POLR3A: variants seen among roughly 807,000 people sequenced by gnomAD.
POLR3A encodes the protein DNA-directed RNA polymerase III subunit RPC1.
In POLR3A, 112 loss-of-function variants were observed where a neutral mutation model predicts 152.8. The observed-to-expected ratio is 0.73, with a 90% CI of 0.63 to 0.86. POLR3A has a LOEUF of 0.86. POLR3A is among the 40% of genes least tolerant of loss of function. POLR3A has a pLI of 0.00. For missense variants in POLR3A, 1,385 were observed against 1,743.1 expected (o/e 0.79, Z 3.66); for synonymous variants, 615 against 652.1 (o/e 0.94, Z 0.87).
chr10:77,988,318 T>TG (rs929688634), intron 21 of POLR3A, among the ~76,000 whole-genome samples: 1 of 152,056 alleles, frequency 6.6e-6, no homozygotes, highest in African/African-American at 2.4e-5. Flanking sequence ...GGTCAGGAGT[T>TG]GGAGACCAGC....
Position 78,021,936 on chromosome 10 carries a change from C to A in POLR3A, c.972G>T (p.Glu324Asp). Residue 324 changes from glutamate (E) to aspartate (D), a missense_variant, in exon 7 of 31, where the codon GAG (glutamate) becomes GAT (aspartate). Physicochemically the swap from Glu to Asp is conservative, Grantham distance 45. Transcript: ENST00000372371. ...QLQCALYINS[E>D]LSGIPLNMAP... ...CCATGTTGAGGGGAATGCCCGAGAG[C>A]TCACTGTTAATGTAGAGGGCACACT... is the stretch of plus-strand genomic sequence containing the variant. 3.1e-6 allele frequency: 5 copies of A among 1,614,150 alleles called. No homozygotes were observed. Among genetic ancestry groups the A allele is most frequent in the Non-Finnish European group, 4.2e-6 (5 of 1,180,028 alleles).
chr10:78,023,767 G>A (rs983469926), intron 5 of POLR3A, among the ~76,000 whole-genome samples: 4 of 151,776 alleles, frequency 2.6e-5, no homozygotes, highest in African/African-American at 9.7e-5. Context: ...GACAGAGAGA[G>A]ACCCTGCCTC....
intron 29 of POLR3A, among the ~76,000 whole-genome samples, chr10:77,980,882 T>C (rs985796249): frequency 2.2e-4 from 33 of 152,176 alleles, no homozygotes; most frequent in African/African-American, 7.5e-4. Flanking sequence ...TCTGTAATAC[T>C]CTATCGACTT....
chr10:78,026,349 C>T, intron 1 of POLR3A, 120 bp from the exon 2 acceptor site: 1 of 954,124 alleles, frequency 1.0e-6, no homozygotes, highest in Non-Finnish European at 1.6e-6. Context: ...CTTTTCCTAC[C>T]AGTATTAAAT....
At chr10:77,987,316 C>A (rs902935152) in intron 21 of POLR3A, among the ~76,000 whole-genome samples, 2 of 152,118 alleles carry the variant, frequency 1.3e-5, no homozygotes, top group African/African-American at 2.4e-5. Flanking sequence ...ATAGACTGCC[C>A]CTCCTTTGTA....
rs1286694476 is a variant in POLR3A at position 78,029,465 on chromosome 10, GCCCCCAGCACCT to G, written c.-70_-59del. 6.3e-7 allele frequency: 1 copy of G among 1,578,772 alleles called. No homozygotes were observed. Among genetic ancestry groups the G allele is most frequent in the Non-Finnish European group, 8.7e-7 (1 of 1,149,296 alleles). ...CGGGAGGCCAGATTAGAGAAACGAT[GCCCCCAGCACCT>G]CCTGGGGCTGCTTCTGGACTCGCCG... On this transcript the variant is annotated 5_prime_UTR_variant, in exon 1 of 31. Coordinates refer to ENST00000372371, the MANE Select transcript of POLR3A (RefSeq NM_007055.4).
At chr10:78,018,453 C>T (rs1041515289) in intron 9 of POLR3A, among the ~76,000 whole-genome samples, 5 of 150,216 alleles carry the variant, frequency 3.3e-5, no homozygotes, top group South Asian at 2.1e-4. Context: ...GAGTCAAGAT[C>T]GTGCCACTAC....
In POLR3A at chr10:77,980,155, T is replaced by C; in HGVS notation, c.4010A>G (p.Lys1337Arg). ...HLFDAAYFGQ[K>R]DSVCGVSECI... is the part of the protein sequence containing the mutation. ...ATCAAACCTACCACACACAGAGTCC[T>C]TCTGCCCGAAGTAGGCAGCGTCAAA... The change falls in exon 30 of 31, where the codon AAG (lysine) becomes AGG (arginine). Residue 1337 changes from lysine to arginine, a missense_variant. Around this residue, in one of 7 missense-constraint regions of POLR3A, gnomAD observed 332 missense variants for 400.1 expected, o/e 0.83. Transcript: ENST00000372371. 6.2e-7 allele frequency: 1 copy of C among 1,614,050 alleles called. No homozygotes were observed. Among genetic ancestry groups the C allele is most frequent in the African/African-American group, 1.3e-5 (1 of 75,054 alleles).
intron 23 of POLR3A, among the ~76,000 whole-genome samples, chr10:77,985,562 C>T (rs1847188638): frequency 6.6e-6 from 1 of 152,232 alleles, no homozygotes; most frequent in Non-Finnish European, 1.5e-5. Flanking sequence ...CAACTCAATT[C>T]TGCATGGCTG....
intron 26 of POLR3A, 68 bp from the exon 27 acceptor site, chr10:77,982,885 CT>C (rs1195784875): frequency 1.4e-6 from 2 of 1,478,292 alleles, no homozygotes; most frequent in Non-Finnish European, 9.5e-7. Flanking sequence ...ATTGTTGCCC[CT>C]CTAAGAAGTC....
chr10:78,011,579 CA>C (rs775693948), intron 11 of POLR3A, among the ~76,000 whole-genome samples: 2 of 152,298 alleles, frequency 1.3e-5, no homozygotes, highest in Non-Finnish European at 2.9e-5. Flanking sequence ...GAGTGGGAGA[CA>C]GCTATTTAGC....
chr10:77,984,517 G>T (rs1468411170), intron 24 of POLR3A, among the ~76,000 whole-genome samples: 1 of 152,066 alleles, frequency 6.6e-6, no homozygotes, highest in Non-Finnish European at 1.5e-5. Context: ...CTAATTTTTT[G>T]TATTTTTAGT....
rs1444746588 is a variant in POLR3A at position 77,986,060 on chromosome 10, G to A, written c.2988+13C>T. ...ACAGCTCGGGGTTCTAACGCGTCTT[G>A]GAGGGATATTACCTCTGTTGTGCCG... On this transcript the variant is annotated intron_variant, in intron 22 of 30. Transcript: ENST00000372371. 5.0e-6 allele frequency: 8 copies of A among 1,584,428 alleles called. No homozygotes were observed. The highest frequency in any genetic ancestry group is 6.1e-6 in the Non-Finnish European group (7 of 1,153,118).
At chr10:78,021,444 G>T in intron 8 of POLR3A, 102 bp downstream of exon 8, 1 of 1,132,792 alleles carries the variant, frequency 8.8e-7, no homozygotes, top group Non-Finnish European at 1.3e-6. Context: ...TGGGTTGAGT[G>T]GGTTACTGGG....
At position 77,982,710 on chromosome 10, in the gene POLR3A, C is replaced by T. The variant is rs556024916; in HGVS notation, c.3537G>A (p.Glu1179=). The T allele has an allele frequency of 6.2e-7, 1 of 1,613,928 alleles. No homozygotes were observed. The highest frequency in any genetic ancestry group is 1.1e-5 in the South Asian group (1 of 91,056). Residue 1179 remains glutamate (E), a synonymous_variant, in exon 27 of 31, where the codon GAG becomes GAA. Transcript: ENST00000372371. The part of the protein sequence containing the change: ...GEAVVCVTPR[E]NSKSSMYYVL... Reference sequence around the variant, plus strand: ...CGTAGTACATGGAGCTCTTGCTGTTCTCTCTGGGGGTGACACACACCACAG... The same window carrying T: ...CGTAGTACATGGAGCTCTTGCTGTTTTCTCTGGGGGTGACACACACCACAG...
Position 78,003,899 on chromosome 10 carries a change from A to G in POLR3A, c.2247+817T>C, listed in dbSNP as rs573328790. Among the ~76,000 whole-genome samples, 22 of 152,276 alleles carry G rather than the reference A, an allele frequency of 1.4e-4. No homozygotes were observed. In the South Asian group the frequency reaches 4.6e-3, roughly 32 times the overall value. ...AGATGAGATTGCACCACTGCACTCCAGCCTGGGCGACAAAGTGAGACTCCA... is the reference window on the plus strand; with the variant it reads ...AGATGAGATTGCACCACTGCACTCCGGCCTGGGCGACAAAGTGAGACTCCA... On this transcript the variant is annotated intron_variant, in intron 16 of 30. Transcript: ENST00000372371.
At chr10:77,983,230 G>A (rs1847165695) in intron 26 of POLR3A, among the ~76,000 whole-genome samples, 1 of 152,186 alleles carries the variant, frequency 6.6e-6, no homozygotes, top group Non-Finnish European at 1.5e-5. Context: ...CTGCAAAGGA[G>A]CCACAAGGCA....
intron 20 of POLR3A, 69 bp from the exon 21 acceptor site, chr10:77,991,236 A>G (rs1383819671): frequency 1.1e-6 from 1 of 873,756 alleles, no homozygotes; most frequent in Non-Finnish European, 2.0e-6. Flanking sequence ...AGATGAGAGA[A>G]CTTACAAAGG....
intron 21 of POLR3A, among the ~76,000 whole-genome samples, chr10:77,988,720 C>A (rs1431449731): frequency 6.6e-6 from 1 of 152,146 alleles, no homozygotes; most frequent in East Asian, 1.9e-4. Flanking sequence ...AAGGCATTTG[C>A]ACTTGCTGCC....
Sources: gnomAD v4.1 joint callset for allele counts (sites outside exome capture counted in the v4.1 genomes callset) on GRCh38, gnomAD v4.1.1 for gene constraint, gnomAD v4.1.1 regional missense constraint, MANE v1.5 for transcripts, NCBI Gene and HGNC (gene_info 2026-07-23, HGNC 2026-07-21) for gene names.